The following FKTN variants were observed in gnomAD, a reference collection of about 807,000 sequenced individuals.
The protein encoded by FKTN is ribitol-5-phosphate transferase FKTN.
In FKTN, 47 loss-of-function variants were observed where a neutral mutation model predicts 58.6. That is an observed-to-expected ratio of 0.80 (90% confidence interval 0.63 to 1.02). The LOEUF is 1.02. Ranked by LOEUF, FKTN falls within the 50% of genes least tolerant of loss-of-function variation. FKTN has a pLI of 0.00. For synonymous variants in FKTN, 178 were observed against 191.9 expected, an observed-to-expected ratio of 0.93 and a Z score of 0.60; for missense variants, 516 against 537.3, an observed-to-expected ratio of 0.96 and a Z score of 0.39.
At chr9:105,583,255 A>G (rs549236861) in intron 3 of FKTN, among the ~76,000 whole-genome samples, 7 of 152,334 alleles carry the variant, frequency 4.6e-5, no homozygotes, top group Admixed American at 2.0e-4. Flanking sequence ...AATTCTTAAA[A>G]CAAGTTGAGT....
chr9:105,578,118 G>A (rs111960664), intron 3 of FKTN, among the ~76,000 whole-genome samples: 2 of 151,678 alleles, frequency 1.3e-5, no homozygotes, highest in East Asian at 1.9e-4. Flanking sequence ...TCTGCAAACA[G>A]GGACAGTTTG....
chr9:105,630,049 C>T (rs568334722), intron 10 of FKTN, among the ~76,000 whole-genome samples: 14 of 151,616 alleles, frequency 9.2e-5, no homozygotes, highest in East Asian at 5.8e-4. Context: ...TGGGGCCTGT[C>T]GTGGGGTAGG....
In FKTN at chr9:105,639,510, TTAAG is replaced by T. The variant is rs1278987511; in HGVS notation, c.*4253_*4256del. ...ACAGTTCTTAGCCTCAGGCCTAGGA[TTAAG>T]TAAGTACTCAAGAAATGTGCAATTT... On this transcript the variant is annotated 3_prime_UTR_variant, in exon 11 of 11. Transcript: ENST00000357998. 1.2e-6 allele frequency: 1 copy of T among 861,200 alleles called. No individual in the cohort carries two copies. Among genetic ancestry groups the T allele is most frequent in the South Asian group, 5.3e-5 (1 of 18,710 alleles). 53.3% of individuals were successfully genotyped at this position (861,200 alleles called of 1,614,324 possible).
chr9:105,563,985 G>T (rs1838858946), intron 1 of FKTN, among the ~76,000 whole-genome samples: 1 of 152,204 alleles, frequency 6.6e-6, no homozygotes, highest in African/African-American at 2.4e-5. Context: ...AGCAACATTT[G>T]CTGTTCAGCA....
At chr9:105,631,330 G>A (rs1487108630) in intron 10 of FKTN, among the ~76,000 whole-genome samples, 2 of 152,018 alleles carry the variant, frequency 1.3e-5, no homozygotes, top group African/African-American at 4.8e-5. Flanking sequence ...AACATGAGAA[G>A]AAATTAAAAG....
At chr9:105,626,185 G>A (rs1044038914) in intron 10 of FKTN, among the ~76,000 whole-genome samples, 3 of 152,172 alleles carry the variant, frequency 2.0e-5, no homozygotes, top group Non-Finnish European at 4.4e-5. Context: ...AGGTGATGCT[G>A]TAGTGAACAT....
In FKTN at chr9:105,586,229, T is replaced by TAGTA. The variant is rs534279640; in HGVS notation, c.106-10368_106-10365dup. On this transcript the variant is annotated intron_variant, in intron 3 of 10. Coordinates refer to ENST00000357998, the MANE Select transcript of FKTN (RefSeq NM_001079802.2). ...CATGTTAGCATTGAAGATAAAGAAC[T>TAGTA]AGTATATTATATTTATTGGGTCTAC... 5.5e-3 allele frequency among the ~76,000 whole-genome samples: 844 copies of TAGTA among 152,320 alleles called. 9 individuals carry two copies. The highest frequency in any genetic ancestry group is 0.02 in the African/African-American group (818 of 41,574).
chr9:105,635,156 C>T lies in FKTN; in HGVS notation c.1278C>T (p.Thr426=), dbSNP rs2133452125. ...ACATTGAAGCCAACTATGGTAAGAC[C>T]TGGAAGATTCCTGTAAAGACGTGGG... ...LEYIEANYGK[T]WKIPVKTWDW... Residue 426 remains threonine, a synonymous_variant, in exon 11 of 11, where the codon ACC becomes ACT. Coordinates refer to ENST00000357998, the MANE Select transcript of FKTN (RefSeq NM_001079802.2). 4 of 1,614,150 alleles carry T rather than the reference C, an allele frequency of 2.5e-6. No homozygotes were observed. The South Asian group carries it at 4.4e-5, about 18-fold the overall frequency.
At chr9:105,607,596 T>TTTA (rs924141800) in intron 6 of FKTN, among the ~76,000 whole-genome samples, 17 of 151,728 alleles carry the variant, frequency 1.1e-4, no homozygotes, top group South Asian at 4.2e-4. Flanking sequence ...TAATAAATCT[T>TTTA]TTATTATTAT....
intron 3 of FKTN, among the ~76,000 whole-genome samples, chr9:105,591,310 G>A (rs373092214): frequency 6.6e-6 from 1 of 152,108 alleles, no homozygotes; most frequent in African/African-American, 2.4e-5. Flanking sequence ...GACAAGGCAA[G>A]CCCCTTCCAC....
intron 7 of FKTN, among the ~76,000 whole-genome samples, chr9:105,614,884 CT>C (rs35592716): frequency 5.9e-4 from 86 of 144,590 alleles, no homozygotes; most frequent in African/African-American, 8.6e-4. Context: ...TCCTTTCTTT[CT>C]TTTTTTTTTT....
chr9:105,597,761 A>G (rs956625249), intron 4 of FKTN, among the ~76,000 whole-genome samples: 2 of 152,118 alleles, frequency 1.3e-5, no homozygotes, highest in African/African-American at 2.4e-5. Flanking sequence ...GTGATCTTTC[A>G]TACATTTTAA....
At chr9:105,580,946 C>T (rs1842763636) in intron 3 of FKTN, among the ~76,000 whole-genome samples, 1 of 115,690 alleles carries the variant, frequency 8.6e-6, no homozygotes, top group African/African-American at 4.0e-5. Flanking sequence ...CCCTTTCTTC[C>T]AGTTGATCGC....
intron 6 of FKTN, among the ~76,000 whole-genome samples, chr9:105,606,933 C>A (rs1457264757): frequency 6.6e-6 from 1 of 151,638 alleles, no homozygotes; most frequent in African/African-American, 2.4e-5. Flanking sequence ...TTATTTTAAT[C>A]AAAAATCTTA....
intron 1 of FKTN, among the ~76,000 whole-genome samples, chr9:105,560,709 A>G (rs1344420782): frequency 3.3e-5 from 5 of 152,126 alleles, no homozygotes; most frequent in African/African-American, 7.2e-5. Context: ...GTTTGATTCT[A>G]TTTGCTGTAT....
chr9:105,596,849 A>G, intron 4 of FKTN, 192 bp downstream of exon 4: 1 of 588,190 alleles, frequency 1.7e-6, no homozygotes, highest in Non-Finnish European at 3.0e-6. Context: ...TCCCTATAGA[A>G]AGTTTAAGAA....
chr9:105,578,259 G>T (rs970608200), intron 3 of FKTN, among the ~76,000 whole-genome samples: 31 of 149,152 alleles, frequency 2.1e-4, no homozygotes, highest in African/African-American at 5.7e-4. Context: ...GTTTTCAAAG[G>T]GAATGCTTCC....
At chr9:105,579,912 A>T (rs1035615834) in intron 3 of FKTN, among the ~76,000 whole-genome samples, 1 of 151,752 alleles carries the variant, frequency 6.6e-6, no homozygotes, top group African/African-American at 2.4e-5. Context: ...TCCCTTTACC[A>T]TTATGTAATG....
Position 105,635,261 on chromosome 9 carries a change from T to C in FKTN, c.1383T>C (p.Tyr461=), listed in dbSNP as rs140899569. 12 of 1,613,794 alleles carry C rather than the reference T, an allele frequency of 7.4e-6. No homozygotes were observed. The African/African-American group carries it at 1.1e-4, about 14-fold the overall frequency. The stretch of plus-strand genomic sequence containing the variant: ...AGTGGGATGAGGTTATCCAGTTATA[T>C]TGAGATAGTAGGTTGAAATGGGAGA... ...ISEWDEVIQL[Y] Residue 461 remains tyrosine (Y), a synonymous_variant, in exon 11 of 11, where the codon TAT becomes TAC. Transcript: ENST00000357998.
Sources: gnomAD v4.1 joint callset for allele counts (sites outside exome capture counted in the v4.1 genomes callset) on GRCh38, gnomAD v4.1.1 for gene constraint, MANE v1.5 for transcripts, NCBI Gene and HGNC (gene_info 2026-07-23, HGNC 2026-07-21) for gene names.